STRADA: variants seen among roughly 807,000 people sequenced by gnomAD.
The protein encoded by STRADA is STE20-related kinase adapter protein alpha.
In STRADA, 26 loss-of-function variants were observed where a neutral mutation model predicts 55.0. The observed-to-expected ratio is 0.47, with a 90% CI of 0.35 to 0.66. The LOEUF is 0.66. STRADA is among the 30% of genes least tolerant of loss of function. The pLI is 0.01. For synonymous variants in STRADA, 197 were observed against 210.9 expected (o/e 0.93, Z 0.57); for missense variants, 443 against 549.7 (o/e 0.81, Z 1.94).
At chr17:63,704,790 C>G (rs1354206819) in intron 10 of STRADA, 9 of 1,534,412 alleles carry the variant, frequency 5.9e-6, no homozygotes, top group Non-Finnish European at 7.8e-6. Flanking sequence ...GCCAGGCCAA[C>G]GTGAAAGGAG....
intron 2 of STRADA, 65 bp downstream of exon 2, chr17:63,728,269 T>G: frequency 6.4e-7 from 1 of 1,553,552 alleles, no homozygotes; most frequent in Non-Finnish European, 8.8e-7. Flanking sequence ...CTACAACATC[T>G]GCCAAAATAC....
At position 63,704,135 on chromosome 17, in the gene STRADA, C is replaced by T. The variant is rs1325882755; in HGVS notation, c.1101-88G>A. Reference sequence around the variant, plus strand: ...TGCCACTTATGCCTCAGCCTCGGGTCCCCTCTCCCTCTCCCTCAGCTCATG... The same window carrying T: ...TGCCACTTATGCCTCAGCCTCGGGTTCCCTCTCCCTCTCCCTCAGCTCATG... On this transcript the variant is annotated intron_variant, in intron 11 of 12. Transcript: ENST00000336174. The T allele has an allele frequency of 2.6e-6, 4 of 1,561,194 alleles. No homozygotes were observed. In the East Asian group the frequency reaches 6.8e-5, roughly 27 times the overall value.
intron 4 of STRADA, among the ~76,000 whole-genome samples, chr17:63,722,496 T>C (rs141947356): frequency 3.3e-5 from 5 of 152,314 alleles, no homozygotes; most frequent in African/African-American, 1.2e-4. Flanking sequence ...TGGAAAGCAT[T>C]TGGATCTGAT....
intron 2 of STRADA, 32 bp downstream of exon 2, chr17:63,728,302 T>G: frequency 6.2e-7 from 1 of 1,609,146 alleles, no homozygotes; most frequent in Non-Finnish European, 8.5e-7. Context: ...AAAACAAAAA[T>G]AGTAAAGCCA....
At chr17:63,708,924 C>T (rs1013380258) in intron 8 of STRADA, among the ~76,000 whole-genome samples, 5 of 152,292 alleles carry the variant, frequency 3.3e-5, no homozygotes, top group East Asian at 1.9e-4. Context: ...TACTGTGTTC[C>T]GCATCCCATT....
chr17:63,740,087 T>C (rs555678578), intron 1 of STRADA, among the ~76,000 whole-genome samples: 6 of 43,622 alleles, frequency 1.4e-4, no homozygotes, highest in East Asian at 1.4e-3. Flanking sequence ...CATTTAACAC[T>C]ATATATATAT....
At chr17:63,712,736 C>T (rs2143893640) in intron 6 of STRADA, among the ~76,000 whole-genome samples, 1 of 151,798 alleles carries the variant, frequency 6.6e-6, no homozygotes, top group South Asian at 2.1e-4. Context: ...TGCGGTGGCT[C>T]ACATTTGTAA....
intron 11 of STRADA, 144 bp from the exon 12 acceptor site, chr17:63,704,191 CCT>C (rs1180830009): frequency 6.6e-7 from 1 of 1,520,602 alleles, no homozygotes; most frequent in Non-Finnish European, 8.8e-7. Context: ...CCCAGGCTGG[CCT>C]CTGACACACC....
rs1055507468 is a variant in STRADA, at chr17:63,741,757, C to G, written c.-61G>C. On this transcript the variant is annotated 5_prime_UTR_variant, in exon 1 of 13. Coordinates refer to ENST00000336174, the MANE Select transcript of STRADA (RefSeq NM_001003787.4). ...GGCAGGTACCTGTTCCTGGAGTTAGCAAGCAGCCCCGACCGTCTTGGCTCC... is the reference window on the plus strand; with the variant it reads ...GGCAGGTACCTGTTCCTGGAGTTAGGAAGCAGCCCCGACCGTCTTGGCTCC... The G allele has an allele frequency of 6.6e-6, 1 of 152,654 alleles. No homozygotes were observed. Among genetic ancestry groups the G allele is most frequent in the Non-Finnish European group, 1.5e-5 (1 of 68,350 alleles). The allele number at this position is 152,654 out of a possible 1,614,324, so 9.5% of individuals were successfully genotyped here.
At chr17:63,707,506 C>T (rs904886970) in intron 8 of STRADA, 88 bp from the exon 9 acceptor site, 36 of 1,307,098 alleles carry the variant, frequency 2.8e-5, no homozygotes, top group Non-Finnish European at 3.6e-5. Context: ...CTGGCCAGCT[C>T]TCTCCTGTGT....
At chr17:63,718,867 C>G (rs1011187733) in intron 4 of STRADA, 1 of 152,172 alleles carries the variant, frequency 6.6e-6, no homozygotes, top group Non-Finnish European at 1.5e-5. Context: ...CTCCTGGTCA[C>G]GTTATCAGAC....
intron 2 of STRADA, chr17:63,727,797 C>G (rs1182793768): frequency 1.3e-5 from 2 of 151,956 alleles, no homozygotes; most frequent in Non-Finnish European, 2.9e-5. Context: ...AAATTAGGTA[C>G]TTGATAATAA....
intron 4 of STRADA, chr17:63,718,636 T>C (rs533395733): frequency 6.6e-6 from 1 of 152,334 alleles, no homozygotes; most frequent in Admixed American, 6.5e-5. Context: ...CCTACCTCTG[T>C]GATCTCATTC....
At chr17:63,704,632 G>C in intron 10 of STRADA, 50 bp from the exon 11 acceptor site, 2 of 773,032 alleles carry the variant, frequency 2.6e-6, no homozygotes, top group South Asian at 1.7e-5. Context: ...GGGGGGGGGG[G>C]TGGTCCCTGG....
intron 3 of STRADA, among the ~76,000 whole-genome samples, chr17:63,725,505 C>T: frequency 6.6e-6 from 1 of 152,024 alleles, no homozygotes; most frequent in Non-Finnish European, 1.5e-5. Flanking sequence ...GTGTGCATCA[C>T]CATGCCCGGC....
intron 3 of STRADA, among the ~76,000 whole-genome samples, chr17:63,725,274 A>G (rs890689096): frequency 2.0e-5 from 3 of 152,096 alleles, no homozygotes; most frequent in African/African-American, 4.8e-5. Context: ...AAAAAAACCT[A>G]TCTGGGCGTA....
intron 1 of STRADA, among the ~76,000 whole-genome samples, chr17:63,734,370 C>T (rs750312420): frequency 2.0e-5 from 3 of 152,162 alleles, no homozygotes; most frequent in African/African-American, 4.8e-5. Flanking sequence ...AGGTTGGGCA[C>T]GGTGGCTCAT....
chr17:63,731,193 CG>C (rs991189200), intron 1 of STRADA, among the ~76,000 whole-genome samples: 45 of 149,252 alleles, frequency 3.0e-4, no homozygotes, highest in African/African-American at 1.1e-3. Flanking sequence ...CTGCCCGCCT[CG>C]GGCCTTCCAA....
Position 63,707,235 on chromosome 17 carries a change from CCA to C in STRADA, c.753+10_753+11del. 5 of 1,613,938 alleles carry C rather than the reference CCA, an allele frequency of 3.1e-6. No homozygotes were observed. Among genetic ancestry groups the C allele is most frequent in the Non-Finnish European group, 4.2e-6 (5 of 1,179,966 alleles). On this transcript the variant is annotated intron_variant, in intron 9 of 12. Coordinates refer to ENST00000336174, the MANE Select transcript of STRADA (RefSeq NM_001003787.4). ...GTTGGGTAGGGGAGCTCCTCTGGGC[CCA>C]CACACAGACCTGCTGGAGGACCTCG... is the stretch of plus-strand genomic sequence containing the variant.
Sources: gnomAD v4.1 joint callset for allele counts (sites outside exome capture counted in the v4.1 genomes callset) on GRCh38, gnomAD v4.1.1 for gene constraint, MANE v1.5 for transcripts, NCBI Gene and HGNC (gene_info 2026-07-23, HGNC 2026-07-21) for gene names.